ENTPD1: variants seen among roughly 807,000 people sequenced by gnomAD.
The protein encoded by ENTPD1 is ATP diphosphohydrolase.
A neutral mutation model predicts 57.0 loss-of-function variants in ENTPD1; 33 were observed. The observed-to-expected ratio is 0.58, with a 90% CI of 0.44 to 0.77. The LOEUF is 0.77. Ranked by LOEUF, ENTPD1 falls within the 30% of genes least tolerant of loss-of-function variation. The probability of loss-of-function intolerance (pLI) is 0.00; values close to 1 mark genes in which losing one functional copy is unlikely to be tolerated. For missense variants in ENTPD1, 501 were observed against 603.4 expected (o/e 0.83, Z 1.78); for synonymous variants, 202 against 218.8 (o/e 0.92, Z 0.68).
intron 7 of ENTPD1, among the ~76,000 whole-genome samples, chr10:95,851,007 C>T (rs1319987522): frequency 1.3e-5 from 2 of 152,158 alleles, no homozygotes; most frequent in African/African-American, 4.8e-5. Context: ...ACACTGTAGC[C>T]TTGGTTGCTA....
intron 2 of ENTPD1, chr10:95,839,382 C>T: frequency 2.6e-6 from 1 of 387,052 alleles, no homozygotes. Context: ...GCTACTTCAG[C>T]ATGTGGTTCT....
intron 1 of ENTPD1, among the ~76,000 whole-genome samples, chr10:95,746,464 A>T (rs1167743585): frequency 1.3e-5 from 2 of 151,264 alleles, no homozygotes; most frequent in African/African-American, 4.9e-5. Flanking sequence ...CTTGGCCTTT[A>T]AAAAAAAACG....
chr10:95,777,076 TCCTCCTTTA>T (rs893806414), intron 1 of ENTPD1, among the ~76,000 whole-genome samples: 3 of 152,214 alleles, frequency 2.0e-5, no homozygotes, highest in African/African-American at 7.2e-5. Flanking sequence ...GGTTCGAACA[TCCTCCTTTA>T]GCTTGGAGGA....
At chr10:95,728,683 C>T (rs1002347234) in intron 1 of ENTPD1, among the ~76,000 whole-genome samples, 2 of 152,164 alleles carry the variant, frequency 1.3e-5, no homozygotes, top group Admixed American at 1.3e-4. Context: ...ATGAACTGCT[C>T]ACACAGAGAT....
intron 1 of ENTPD1, among the ~76,000 whole-genome samples, chr10:95,789,366 C>A (rs1214555828): frequency 2.0e-5 from 3 of 152,024 alleles, no homozygotes; most frequent in African/African-American, 7.2e-5. Context: ...TTGTTAACAC[C>A]TAAAAAAGAA....
At chr10:95,756,022 T>A (rs1358843991), upstream of ENTPD1, 13 of 1,467,326 alleles carry the variant, frequency 8.9e-6, no homozygotes, top group East Asian at 3.2e-4. Context: ...AATGAGCTGC[T>A]GGACTCCTCA....
chr10:95,703,141 G>A, the ENTPD1 span, among the ~76,000 whole-genome samples: 6 of 151,966 alleles, frequency 3.9e-5, no homozygotes, highest in African/African-American at 1.5e-4. Context: ...ATATCTTTAA[G>A]GAAGCTAACC....
chr10:95,785,479 G>A (rs911213991), intron 1 of ENTPD1, among the ~76,000 whole-genome samples: 5 of 152,338 alleles, frequency 3.3e-5, no homozygotes, highest in Non-Finnish European at 5.9e-5. Context: ...TTAAGCAGCA[G>A]TTGTTGGAAC....
At position 95,842,773 on chromosome 10, in the gene ENTPD1, G is replaced by A. The variant is rs531828948; in HGVS notation, c.413+279G>A. Among the ~76,000 whole-genome samples the A allele has an allele frequency of 3.5e-4, 53 of 152,230 alleles. No individual in the cohort carries two copies. In the South Asian group the frequency reaches 5.6e-3, roughly 16 times the overall value. On this transcript the variant is annotated intron_variant, in intron 4 of 9. Transcript: ENST00000371205. ...GCACAGGGAGAGAAAGACTGGGCCC[G>A]TATACTCTGGGGTTTGGGGCTACAG...
At chr10:95,702,434 T>A in the ENTPD1 span, among the ~76,000 whole-genome samples, 2 of 152,020 alleles carry the variant, frequency 1.3e-5, no homozygotes, top group Non-Finnish European at 2.9e-5. Flanking sequence ...CTAGATTATT[T>A]GTTAAGATCT....
chr10:95,840,308 G>A (rs1349257096), intron 3 of ENTPD1, among the ~76,000 whole-genome samples: 1 of 152,168 alleles, frequency 6.6e-6, no homozygotes, highest in African/African-American at 2.4e-5. Flanking sequence ...ACAGATGATG[G>A]GTCCCATCCC....
At chr10:95,770,295 G>A (rs1034673482) in intron 1 of ENTPD1, among the ~76,000 whole-genome samples, 2 of 150,626 alleles carry the variant, frequency 1.3e-5, no homozygotes, top group Non-Finnish European at 3.0e-5. Flanking sequence ...TGGAGTGGGG[G>A]AAGGAGGATA....
At chr10:95,735,278 G>C (rs1048428102) in intron 1 of ENTPD1, among the ~76,000 whole-genome samples, 1 of 151,936 alleles carries the variant, frequency 6.6e-6, no homozygotes, top group Non-Finnish European at 1.5e-5. Context: ...TGATTCTCCC[G>C]CCTCAACTGG....
In ENTPD1 at chr10:95,845,490, C is replaced by G. The variant is rs1255218126; in HGVS notation, c.707C>G (p.Ala236Gly). 6.2e-7 allele frequency: 1 copy of G among 1,614,234 alleles called. No homozygotes were observed. The highest frequency in any genetic ancestry group is 8.5e-7 in the Non-Finnish European group (1 of 1,180,040). Residue 236 changes from alanine to glycine, a missense_variant, in exon 6 of 10, where the codon GCT becomes GGT. Coordinates refer to ENST00000371205, the MANE Select transcript of ENTPD1 (RefSeq NM_001776.6). ...QNQTIESPDN[A>G]LQFRLYGKDY... ...CAGACTATCGAGTCCCCAGATAATG[C>G]TCTGCAATTTCGCCTCTATGGCAAG...
chr10:95,712,508 G>T (rs1454645666), intron 1 of ENTPD1, among the ~76,000 whole-genome samples: 1 of 152,196 alleles, frequency 6.6e-6, no homozygotes, highest in Non-Finnish European at 1.5e-5. Flanking sequence ...TCTAAAAATG[G>T]CTGGTCACAT....
rs2140061374 is a variant in ENTPD1, at chr10:95,767,576, C to T, written c.16+11321C>T. 1.3e-5 allele frequency among the ~76,000 whole-genome samples: 2 copies of T among 151,910 alleles called. 1 individual carries two copies. Among genetic ancestry groups the T allele is most frequent in the South Asian group, 4.2e-4 (2 of 4,804 alleles). On this transcript the variant is annotated intron_variant, in intron 1 of 9. Transcript: ENST00000371205. ...TTTGGATATTAATAATCAAATTCAT[C>T]CATCCATGAATTTAATGAATTTTAA...
chr10:95,711,912 C>A (rs942302003), exon 1 of ENTPD1: 82 of 1,611,966 alleles, frequency 5.1e-5, no homozygotes, highest in Non-Finnish European at 6.4e-5. Flanking sequence ...AGTTTTGGTG[C>A]TGTGAACAGG....
At chr10:95,773,996 T>C (rs1201150207) in intron 1 of ENTPD1, among the ~76,000 whole-genome samples, 1 of 152,204 alleles carries the variant, frequency 6.6e-6, no homozygotes. Flanking sequence ...CCAGCGTCTG[T>C]TGTTTCCTGA....
At chr10:95,718,788 G>T (rs2097974360) in intron 1 of ENTPD1, among the ~76,000 whole-genome samples, 1 of 152,164 alleles carries the variant, frequency 6.6e-6, no homozygotes, top group Non-Finnish European at 1.5e-5. Flanking sequence ...TTTCTACAAA[G>T]GAACTTCCAT....
Sources: gnomAD v4.1 joint callset for allele counts (sites outside exome capture counted in the v4.1 genomes callset) on GRCh38, gnomAD v4.1.1 for gene constraint, MANE v1.5 for transcripts, NCBI Gene and HGNC (gene_info 2026-07-23, HGNC 2026-07-21) for gene names.